ASAP1: variants seen among roughly 807,000 people sequenced by gnomAD.
ASAP1 encodes the protein ArfGAP with SH3 domain, ankyrin repeat and PH domain 1.
A neutral mutation model predicts 145.2 loss-of-function variants in ASAP1; 43 were observed. The ratio of observed to expected loss-of-function variants is 0.30; its 90% CI spans 0.23 to 0.38. The LOEUF (loss-of-function observed/expected upper bound fraction) is 0.38, where lower values mean the gene tolerates loss of function less well. Among genes scored for constraint, ASAP1 ranks in the 10% least tolerant of loss-of-function variants. ASAP1 has a pLI of 1.00. For missense variants in ASAP1, 1,018 were observed against 1,355.3 expected (o/e 0.75, Z 3.91); for synonymous variants, 546 against 515.5 (o/e 1.06, Z -0.80).
intron 4 of ASAP1, among the ~76,000 whole-genome samples, chr8:130,221,155 GC>G (rs1440316827): frequency 2.0e-5 from 3 of 152,096 alleles, no homozygotes; most frequent in Non-Finnish European, 2.9e-5. Context: ...GCTTGCTGGA[GC>G]CTGGGAAGTT....
At chr8:130,214,173 C>T in intron 5 of ASAP1, among the ~76,000 whole-genome samples, 1 of 152,074 alleles carries the variant, frequency 6.6e-6, no homozygotes, top group African/African-American at 2.4e-5. Flanking sequence ...GTATGTTCGA[C>T]ACAGAAATCA....
Position 130,068,103 on chromosome 8 carries a change from A to G in ASAP1, c.2702-7034T>C, listed in dbSNP as rs73405562. 8.7e-3 allele frequency among the ~76,000 whole-genome samples: 1,323 copies of G among 152,342 alleles called. 14 individuals are homozygous for G. Among genetic ancestry groups the G allele is most frequent in the African/African-American group, 0.027 (1,137 of 41,572 alleles). On this transcript the variant is annotated intron_variant, in intron 27 of 29. Coordinates refer to ENST00000518721, the MANE Select transcript of ASAP1 (RefSeq NM_018482.4). ...TGTGCTGAGATCAGTTACTAAAGGT[A>G]AAAGTTACCAGTGGAATTCAGAGAT...
intron 25 of ASAP1, among the ~76,000 whole-genome samples, chr8:130,086,237 A>G (rs902200431): frequency 6.6e-6 from 1 of 152,358 alleles, no homozygotes; most frequent in East Asian, 1.9e-4. Context: ...CTGCAGGTGA[A>G]TCCTGGCCCC....
At chr8:130,240,623 A>C (rs1217974418) in intron 3 of ASAP1, among the ~76,000 whole-genome samples, 3 of 152,178 alleles carry the variant, frequency 2.0e-5, no homozygotes, top group East Asian at 3.9e-4. Context: ...GGCATTTCTA[A>C]GTATGTATCC....
chr8:130,113,324 C>T (rs1186142195), intron 23 of ASAP1, among the ~76,000 whole-genome samples: 4 of 152,166 alleles, frequency 2.6e-5, no homozygotes, highest in African/African-American at 9.7e-5. Context: ...TCCCTTGGCA[C>T]GTGGTGTTCT....
At chr8:130,434,763 C>A (rs1023939930) in intron 1 of ASAP1, among the ~76,000 whole-genome samples, 2 of 152,130 alleles carry the variant, frequency 1.3e-5, no homozygotes, top group Non-Finnish European at 2.9e-5. Context: ...CAGAACGGCT[C>A]TCTGTGACGG....
chr8:130,396,944 C>T (rs1181904295), intron 2 of ASAP1, among the ~76,000 whole-genome samples: 1 of 152,206 alleles, frequency 6.6e-6, no homozygotes, highest in African/African-American at 2.4e-5. Context: ...CTGATTTCTA[C>T]TGCTGGCTCA....
At position 130,229,399 on chromosome 8, in the gene ASAP1, A is replaced by G. The variant is rs532482523; in HGVS notation, c.259+7523T>C. On this transcript the variant is annotated intron_variant, in intron 4 of 29. Transcript: ENST00000518721. The stretch of plus-strand genomic sequence containing the variant: ...GCTTTATACAGGAAAATACAATCCT[A>G]CTTTGATGAGACATAAACCATTTAA... Among the ~76,000 whole-genome samples the G allele has an allele frequency of 1.5e-3, 231 of 152,314 alleles. 2 individuals are homozygous for G. The highest frequency in any genetic ancestry group is 3.4e-3 in the Middle Eastern group (1 of 294).
Position 130,070,834 on chromosome 8 carries a change from AGAGAGGGAGAGAGG to A in ASAP1, c.2701+5500_2701+5513del, listed in dbSNP as rs1564924868. Among the ~76,000 whole-genome samples, 10 of 10,996 alleles carry A rather than the reference AGAGAGGGAGAGAGG, an allele frequency of 9.1e-4. 1 individual carries two copies. The East Asian group carries it at 0.025, about 28-fold the overall frequency. The allele number at this position is 10,996 out of a possible 152,430, so 7.2% of individuals were successfully genotyped here. ...TGAGGGGAGAGAGGGAGAGAGGGAG[AGAGAGGGAGAGAGG>A]GAGAGAGAGGGAGAGAGGGAGAGAG... On this transcript the variant is annotated intron_variant, in intron 27 of 29. Transcript: ENST00000518721.
At chr8:130,353,258 G>T (rs2138075211) in intron 3 of ASAP1, among the ~76,000 whole-genome samples, 1 of 152,202 alleles carries the variant, frequency 6.6e-6, no homozygotes, top group East Asian at 1.9e-4. Context: ...ATATAGCAGG[G>T]CCTCCCCAAA....
chr8:130,329,519 C>A (rs868863457), intron 3 of ASAP1, among the ~76,000 whole-genome samples: 1 of 152,038 alleles, frequency 6.6e-6, no homozygotes, highest in Non-Finnish European at 1.5e-5. Context: ...GTCCTACAGA[C>A]GTAGAAAGTG....
At chr8:130,370,626 C>T (rs1827169980) in intron 2 of ASAP1, among the ~76,000 whole-genome samples, 1 of 152,222 alleles carries the variant, frequency 6.6e-6, no homozygotes, top group Middle Eastern at 3.4e-3. Context: ...TCATTCTTAA[C>T]ATTCAAAAAA....
chr8:130,384,862 C>G (rs1212394679), intron 2 of ASAP1, among the ~76,000 whole-genome samples: 1 of 152,218 alleles, frequency 6.6e-6, no homozygotes, highest in Non-Finnish European at 1.5e-5. Flanking sequence ...ATCCTCCAAG[C>G]TATGCACTGT....
In ASAP1 at chr8:130,056,101, TATA is replaced by T. The variant is rs535862169; in HGVS notation, c.3316-1299_3316-1297del. 7.7e-4 allele frequency among the ~76,000 whole-genome samples: 118 copies of T among 152,372 alleles called. 1 individual carries two copies. The South Asian group carries it at 0.017, about 22-fold the overall frequency. On this transcript the variant is annotated intron_variant, in intron 29 of 29. Coordinates refer to ENST00000518721, the MANE Select transcript of ASAP1 (RefSeq NM_018482.4). Reference sequence around the variant, plus strand: ...GCAAAGAACATGATCACTGCTTGATTATAATAATATTAACAGATTACAAAGTGA... The same window carrying T: ...GCAAAGAACATGATCACTGCTTGATTATAATATTAACAGATTACAAAGTGA...
chr8:130,257,660 T>C (rs1819642437), intron 3 of ASAP1, among the ~76,000 whole-genome samples: 1 of 152,108 alleles, frequency 6.6e-6, no homozygotes, highest in South Asian at 2.1e-4. Context: ...ATTTGGGAAA[T>C]ACTCCAAGCT....
At chr8:130,121,708 C>T (rs1196671573) in intron 18 of ASAP1, among the ~76,000 whole-genome samples, 3 of 132,256 alleles carry the variant, frequency 2.3e-5, no homozygotes, top group Non-Finnish European at 3.1e-5. Flanking sequence ...CACTTGAACC[C>T]GGGAGGTGGA....
intron 3 of ASAP1, among the ~76,000 whole-genome samples, chr8:130,307,154 T>A (rs1467052143): frequency 1.3e-5 from 2 of 152,244 alleles, no homozygotes; most frequent in Non-Finnish European, 2.9e-5. Context: ...TTTTGCTTTA[T>A]CTGTCTCCCT....
chr8:130,413,894 A>G (rs545455458), intron 1 of ASAP1, among the ~76,000 whole-genome samples: 6 of 147,420 alleles, frequency 4.1e-5, no homozygotes, highest in Admixed American at 2.0e-4. Context: ...AGATTCATTC[A>G]TTCATTCATT....
chr8:130,421,529 C>T (rs1246284157), intron 1 of ASAP1, among the ~76,000 whole-genome samples: 1 of 152,134 alleles, frequency 6.6e-6, no homozygotes, highest in Non-Finnish European at 1.5e-5. Flanking sequence ...GCATGCCATT[C>T]TTCAGGCCAA....
Sources: allele counts gnomAD v4.1 joint callset (sites outside exome capture counted in the v4.1 genomes callset), GRCh38; gene constraint gnomAD v4.1.1; transcripts MANE v1.5; gene names NCBI Gene and HGNC (gene_info 2026-07-23, HGNC 2026-07-21).